The following FBXO31 variants were observed in gnomAD, a reference collection of about 807,000 sequenced individuals.
FBXO31 encodes F-box only protein 31.
Under a neutral mutation model 54.4 loss-of-function variants are expected in FBXO31, and 24 were observed. The ratio of observed to expected loss-of-function variants is 0.44; its 90% confidence interval spans 0.32 to 0.62. The LOEUF is 0.62. Among genes scored for constraint, FBXO31 ranks in the 20% least tolerant of loss-of-function variants. The pLI is 0.05. For synonymous variants in FBXO31, 388 were observed against 335.6 expected, an observed-to-expected ratio of 1.16 and a Z score of -1.71; for missense variants, 665 against 787.1, an observed-to-expected ratio of 0.84 and a Z score of 1.86.
chr16:87,388,684 C>T (rs1257939395), upstream of FBXO31: 3 of 152,242 alleles, frequency 2.0e-5, no homozygotes, highest in Non-Finnish European at 2.9e-5. Context: ...TTTACAGCCA[C>T]TTACATCACT....
At chr16:87,337,845 C>G (rs749869006) in intron 5 of FBXO31, among the ~76,000 whole-genome samples, 2 of 151,998 alleles carry the variant, frequency 1.3e-5, no homozygotes, top group Admixed American at 6.5e-5. Context: ...AAAAATGGAG[C>G]CTATCTTTGC....
rs1904780055 is a variant in FBXO31 at position 87,329,712 on chromosome 16, T to TGCC, written c.*1573_*1575dup. 6.6e-6 allele frequency: 1 copy of TGCC among 152,266 alleles called. No individual in the cohort carries two copies. Among genetic ancestry groups the TGCC allele is most frequent in the African/African-American group, 2.4e-5 (1 of 41,470 alleles). The allele number at this position is 152,266 out of a possible 1,614,324, so 9.4% of individuals were successfully genotyped here. A position where few individuals can be genotyped will look rare whatever the true frequency, so the allele number is the denominator to read the frequency against. On this transcript the variant is annotated 3_prime_UTR_variant, in exon 9 of 9. Transcript: ENST00000311635. The stretch of plus-strand genomic sequence containing the variant: ...TCGGGGTCTGCGTGGCTCCCGCTGC[T>TGCC]GCCGCCCTGGAAGGGCGCTTTCTCC...
intron 1 of FBXO31, among the ~76,000 whole-genome samples, chr16:87,365,416 GA>G (rs1237207586): frequency 6.6e-6 from 1 of 152,174 alleles, no homozygotes; most frequent in Non-Finnish European, 1.5e-5. Flanking sequence ...TAACAGGAAG[GA>G]ATACAGAAAT....
chr16:87,356,929 C>G (rs1459011828), intron 2 of FBXO31, among the ~76,000 whole-genome samples: 1 of 152,082 alleles, frequency 6.6e-6, no homozygotes, highest in East Asian at 1.9e-4. Flanking sequence ...TCTCCATCAC[C>G]ACTCAACCAC....
chr16:87,363,741 G>T (rs1015522877), intron 1 of FBXO31, among the ~76,000 whole-genome samples: 1 of 152,054 alleles, frequency 6.6e-6, no homozygotes, highest in African/African-American at 2.4e-5. Context: ...CTCCTGAGAG[G>T]GACTCTCAGC....
At chr16:87,368,821 T>C (rs1906476351) in intron 1 of FBXO31, among the ~76,000 whole-genome samples, 1 of 152,144 alleles carries the variant, frequency 6.6e-6, no homozygotes, top group South Asian at 2.1e-4. Flanking sequence ...CTTTTTGAAA[T>C]AGAGTTTCGC....
At position 87,343,488 on chromosome 16, in the gene FBXO31, C is replaced by T. The variant is rs554847086; in HGVS notation, c.657+110G>A. 1.6e-5 allele frequency: 21 copies of T among 1,349,402 alleles called. No individual in the cohort carries two copies. The East Asian group carries it at 3.8e-4, about 24-fold the overall frequency. The allele number at this position is 1,349,402 out of a possible 1,614,324, so 83.6% of individuals were successfully genotyped here. Reference sequence around the variant, plus strand: ...AGGGCGGAGCCTCCCTCCCACCCGCCGATCTGCTACAGCCCAGGTCTGCAG... The same window carrying T: ...AGGGCGGAGCCTCCCTCCCACCCGCTGATCTGCTACAGCCCAGGTCTGCAG... On this transcript the variant is annotated intron_variant, in intron 4 of 8. Coordinates refer to ENST00000311635, the MANE Select transcript of FBXO31 (RefSeq NM_024735.5).
rs1299337672 is a variant in FBXO31 at position 87,342,922 on chromosome 16, C to G, written c.687G>C (p.Lys229Asn). Residue 229 changes from lysine (K) to asparagine (N), a missense_variant, in exon 5 of 9, where the codon AAG becomes AAC. Around this residue, in one of 4 missense-constraint regions of FBXO31, gnomAD observed 234 missense variants for 346.8 expected, o/e 0.67. Coordinates refer to ENST00000311635, the MANE Select transcript of FBXO31 (RefSeq NM_024735.5). ...QIVKKDEFSTKCNQTDHHRMS... is the reference protein window; with the variant it reads ...QIVKKDEFSTNCNQTDHHRMS... ...TCCTGTGGTGGTCCGTCTGGTTGCACTTGGTGGAGAACTCATCCTTCTTCA... is the reference window on the plus strand; with the variant it reads ...TCCTGTGGTGGTCCGTCTGGTTGCAGTTGGTGGAGAACTCATCCTTCTTCA... 3 of 1,608,566 alleles carry G rather than the reference C, an allele frequency of 1.9e-6. No homozygotes were observed. Among genetic ancestry groups the G allele is most frequent in the Non-Finnish European group, 2.5e-6 (3 of 1,177,736 alleles).
chr16:87,335,243 C>T lies in FBXO31; in HGVS notation c.996+61G>A. 3 of 1,603,960 alleles carry T rather than the reference C, an allele frequency of 1.9e-6. No individual in the cohort carries two copies. The highest frequency in any genetic ancestry group is 2.2e-5 in the East Asian group (1 of 44,844). On this transcript the variant is annotated intron_variant, in intron 7 of 8. Transcript: ENST00000311635. The surrounding 1 kb of genome is among the most constrained non-coding windows in gnomAD (Gnocchi z 5.7). ...CAGTGTCTGCCCAAGTTCCCTGACT[C>T]CACAGCCCACTTGGGCCAGGTGCCC...
intron 1 of FBXO31, among the ~76,000 whole-genome samples, chr16:87,372,255 T>A (rs1414980093): frequency 2.0e-5 from 3 of 152,200 alleles, no homozygotes; most frequent in African/African-American, 4.8e-5. Context: ...TTTTCCTTTA[T>A]TCTCCTTGTG....
intron 8 of FBXO31, among the ~76,000 whole-genome samples, chr16:87,333,150 G>A (rs1280577789): frequency 1.3e-5 from 2 of 152,240 alleles, no homozygotes; most frequent in East Asian, 1.9e-4. Context: ...CAAGGGGCCC[G>A]TGGCACTGAA....
At chr16:87,349,328 C>T (rs530130360) in intron 2 of FBXO31, among the ~76,000 whole-genome samples, 48 of 152,262 alleles carry the variant, frequency 3.2e-4, no homozygotes, top group Admixed American at 6.5e-4. Context: ...TATAATCCCC[C>T]GGAAGCCCCA....
At chr16:87,362,116 A>G (rs1906159870) in intron 1 of FBXO31, among the ~76,000 whole-genome samples, 1 of 149,060 alleles carries the variant, frequency 6.7e-6, no homozygotes, top group South Asian at 2.1e-4. Flanking sequence ...GAGCCCAGGA[A>G]GCTGCTGATT....
rs1488506294 is a variant in FBXO31 at position 87,338,237 on chromosome 16, A to G, written c.733-1973T>C. ...CAGAGCAACACATACAAGCCACAAGAAAAAAAAAAAAACAGGGAGCCCAGG... is the reference window on the plus strand; with the variant it reads ...CAGAGCAACACATACAAGCCACAAGGAAAAAAAAAAAACAGGGAGCCCAGG... On this transcript the variant is annotated intron_variant, in intron 5 of 8. Coordinates refer to ENST00000311635, the MANE Select transcript of FBXO31 (RefSeq NM_024735.5). This position sits in a 1 kb window ranked among gnomAD's most constrained non-coding sequence, Gnocchi z 4.3. Among the ~76,000 whole-genome samples, 4 of 133,636 alleles carry G rather than the reference A, an allele frequency of 3.0e-5. No homozygotes were observed. Among genetic ancestry groups the G allele is most frequent in the South Asian group, 2.2e-4 (1 of 4,582 alleles). The allele number at this position is 133,636 out of a possible 152,430, so 87.7% of individuals were successfully genotyped here. A position where few individuals can be genotyped will look rare whatever the true frequency, so the allele number is the denominator to read the frequency against.
At chr16:87,375,800 T>C (rs754838307) in intron 1 of FBXO31, among the ~76,000 whole-genome samples, 29 of 152,162 alleles carry the variant, frequency 1.9e-4, no homozygotes, top group Non-Finnish European at 3.4e-4. Context: ...GTGATCTGCC[T>C]GCCCCAACAT....
upstream of FBXO31, among the ~76,000 whole-genome samples, chr16:87,387,648 G>C (rs1264983098): frequency 2.0e-5 from 3 of 152,114 alleles, no homozygotes. Context: ...TCTACTAAAA[G>C]TACAAAAAAT....
At position 87,334,135 on chromosome 16, in the gene FBXO31, T is replaced by G. The variant is rs1276087262; in HGVS notation, c.1148A>C (p.Glu383Ala). The change falls in exon 8 of 9, where the codon GAA becomes GCA. Residue 383 changes from glutamate to alanine, a missense_variant. Coordinates refer to ENST00000311635, the MANE Select transcript of FBXO31 (RefSeq NM_024735.5). ...ACCCTCGCCCGCCTCGTGCCCGCCTTCCTGCTGCTCCTGGCGCACCCTCTC... is the reference window on the plus strand; with the variant it reads ...ACCCTCGCCCGCCTCGTGCCCGCCTGCCTGCTGCTCCTGGCGCACCCTCTC... ...VRERVRQEQQ[E>A]GGHEAGEGRG... 1 of 1,611,926 alleles carries G rather than the reference T, an allele frequency of 6.2e-7. No individual in the cohort carries two copies. Among genetic ancestry groups the G allele is most frequent in the Non-Finnish European group, 8.5e-7 (1 of 1,179,256 alleles).
intron 2 of FBXO31, among the ~76,000 whole-genome samples, chr16:87,355,098 C>G (rs1302143445): frequency 6.6e-6 from 1 of 152,236 alleles, no homozygotes; most frequent in Non-Finnish European, 1.5e-5. Flanking sequence ...TGGCTCACGC[C>G]TGTAATCCCA....
chr16:87,383,594 C>G lies in FBXO31; in HGVS notation c.151G>C (p.Gly51Arg). ...GAGGGGCCCGCGCACAAGCCGCCCC[C>G]GACCCCGGCGCTAGCCTCGATGCGC... is the stretch of plus-strand genomic sequence containing the variant. The part of the protein sequence containing the change: ...EERIEASAGV[G>R]GGLCAGPSPP... Residue 51 changes from glycine to arginine, a missense_variant, in exon 1 of 9, where the codon GGG (glycine) becomes CGG (arginine). By Grantham distance (125) the Gly-to-Arg change is moderately radical. Transcript: ENST00000311635. The surrounding 1 kb of genome is among the most constrained non-coding windows in gnomAD (Gnocchi z 4.9). 2.7e-6 allele frequency: 4 copies of G among 1,476,960 alleles called. No individual in the cohort carries two copies. The highest frequency in any genetic ancestry group is 3.6e-6 in the Non-Finnish European group (4 of 1,119,358). 91.5% of individuals were successfully genotyped at this position (1,476,960 alleles called of 1,614,324 possible). A position where few individuals can be genotyped will look rare whatever the true frequency, so the allele number is the denominator to read the frequency against.
Sources: allele counts gnomAD v4.1 joint callset (sites outside exome capture counted in the v4.1 genomes callset), GRCh38; gene constraint gnomAD v4.1.1; regional missense constraint gnomAD v4.1.1; non-coding constraint Gnocchi (gnomAD v3.1); transcripts MANE v1.5; gene names NCBI Gene and HGNC (gene_info 2026-07-23, HGNC 2026-07-21).